The following ACADVL variants were observed in gnomAD, a reference collection of about 807,000 sequenced individuals.
ACADVL encodes acyl-CoA dehydrogenase very long chain.
ACADVL carries 73 observed loss-of-function variants against 80.4 expected under a neutral mutation model. The observed-to-expected ratio is 0.91, with a 90% CI of 0.75 to 1.10. ACADVL has a LOEUF of 1.10. Among genes scored for constraint, ACADVL ranks in the 50% least tolerant of loss-of-function variants. The pLI is 0.00. For synonymous variants in ACADVL, 392 were observed against 326.5 expected (o/e 1.20, Z -2.16); for missense variants, 878 against 858.9 (o/e 1.02, Z -0.28).
In ACADVL at chr17:7,224,972, CGA is replaced by C. The variant is rs1219796569; in HGVS notation, c.1847_1848del (p.Glu616GlyfsTer8). ...TWCIEAAARI[R>X]EGMAALQSDP... ...CTCTCCCCAGGCTGCAGCTCGGATCCGAGAGGGCATGGCCGCCCTGCAGTCTG... is the reference window on the plus strand; with the variant it reads ...CTCTCCCCAGGCTGCAGCTCGGATCCGAGGGCATGGCCGCCCTGCAGTCTG... On this transcript the variant is annotated frameshift_variant, in exon 20 of 20. Transcript: ENST00000356839. LOFTEE classifies it high-confidence loss of function. 1 of 1,613,968 alleles carries C rather than the reference CGA, an allele frequency of 6.2e-7. No homozygotes were observed. The highest frequency in any genetic ancestry group is 8.5e-7 in the Non-Finnish European group (1 of 1,180,030).
In ACADVL at chr17:7,220,043, G is replaced by A. The variant is rs764285088; in HGVS notation, c.59G>A (p.Gly20Glu). The stretch of plus-strand genomic sequence containing the variant: ...CGGCAGCTGCTGAGGCTCGGGGGCG[G>A]AAGGTCTGTGTGTGACAAGAGGGAC... Reference protein sequence around the residue: ...LGRQLLRLGGGSSRLTALLGQ... With the variant: ...LGRQLLRLGGESSRLTALLGQ... Residue 20 changes from glycine (G) to glutamate (E), a missense_variant, in exon 1 of 20, where the codon GGA becomes GAA. Gly to Glu is a moderately conservative substitution (Grantham distance 98, BLOSUM62 -2). Transcript: ENST00000356839. The A allele has an allele frequency of 6.2e-7, 1 of 1,603,664 alleles. No individual in the cohort carries two copies. The highest frequency in any genetic ancestry group is 8.5e-7 in the Non-Finnish European group (1 of 1,178,836).
intron 6 of ACADVL, 31 bp from the exon 7 acceptor site, chr17:7,221,507 T>A (rs771298422): frequency 4.3e-6 from 7 of 1,611,344 alleles, no homozygotes; most frequent in African/African-American, 1.4e-5. Context: ...CTGCAGCCAG[T>A]GACAACCCCA....
chr17:7,224,575 C>G (rs147546456), intron 17 of ACADVL, 23 bp downstream of exon 17: 1 of 1,608,406 alleles, frequency 6.2e-7, no homozygotes, highest in Non-Finnish European at 8.5e-7. Flanking sequence ...TACACCATTC[C>G]GCCCCTCCCT....
rs531003023 is a variant in ACADVL at position 7,221,190 on chromosome 17, T to C, written c.477+132T>C. The stretch of plus-strand genomic sequence containing the variant: ...CTGCCCTGGGTGCCTGTGGGATGGA[T>C]GTTAACTGTCCAAACATAACACAAT... On this transcript the variant is annotated intron_variant, in intron 6 of 19. Transcript: ENST00000356839. 3.1e-4 allele frequency: 454 copies of C among 1,449,880 alleles called. 2 individuals carry two copies. In the Middle Eastern group the frequency reaches 0.01, roughly 32 times the overall value. The allele number at this position is 1,449,880 out of a possible 1,614,324, so 89.8% of individuals were successfully genotyped here. A position where few individuals can be genotyped will look rare whatever the true frequency, so the allele number is the denominator to read the frequency against.
Position 7,220,481 on chromosome 17 carries a change from A to C in ACADVL, c.156A>C (p.Ser52=), listed in dbSNP as rs2071146948. The change falls in exon 3 of 20, where the codon TCA becomes TCC. Residue 52 remains serine, a synonymous_variant. Coordinates refer to ENST00000356839, the MANE Select transcript of ACADVL (RefSeq NM_000018.4). Reference sequence around the variant, plus strand: ...TTTCCCAGCTGGCTCTGGACAAGTCAGATTCCCACCCCTCTGACGCTCTGA... The same window carrying C: ...TTTCCCAGCTGGCTCTGGACAAGTCCGATTCCCACCCCTCTGACGCTCTGA... ...GGAAQLALDK[S]DSHPSDALTR... is the part of the protein sequence containing the mutation. The C allele has an allele frequency of 6.2e-7, 1 of 1,614,106 alleles. No individual in the cohort carries two copies. The highest frequency in any genetic ancestry group is 1.3e-5 in the African/African-American group (1 of 74,948).
rs975212779 is a variant in ACADVL, at chr17:7,225,239, G to C, written c.*142G>C. 1 of 1,141,500 alleles carries C rather than the reference G, an allele frequency of 8.8e-7. No homozygotes were observed. The highest frequency in any genetic ancestry group is 2.2e-5 in the Admixed American group (1 of 45,846). The allele number at this position is 1,141,500 out of a possible 1,614,324, so 70.7% of individuals were successfully genotyped here. A position where few individuals can be genotyped will look rare whatever the true frequency, so the allele number is the denominator to read the frequency against. ...TGCTCTCAAGAGCACTTACTGCCTC[G>C]CAAATAATAAAAATTTCTAGCCAGT... On this transcript the variant is annotated 3_prime_UTR_variant, in exon 20 of 20. Coordinates refer to ENST00000356839, the MANE Select transcript of ACADVL (RefSeq NM_000018.4).
rs749425874 is a variant in ACADVL, at chr17:7,224,169, G to T, written c.1458G>T (p.Gly486=). 16 of 1,614,036 alleles carry T rather than the reference G, an allele frequency of 9.9e-6. No homozygotes were observed. Among genetic ancestry groups the T allele is most frequent in the African/African-American group, 1.3e-5 (1 of 74,914 alleles). Residue 486 remains glycine, a synonymous_variant, in exon 15 of 20, where the codon GGG becomes GGT. Coordinates refer to ENST00000356839, the MANE Select transcript of ACADVL (RefSeq NM_000018.4). ...GCMDKGKELS[G]LGSALKNPFG... ...AGGACAAAGGAAAGGAGCTCTCTGG[G>T]CTTGGCAGTGCTCTAAAGAATCCCT... is the stretch of plus-strand genomic sequence containing the variant.
intron 7 of ACADVL, 113 bp from the exon 8 acceptor site, chr17:7,221,839 C>T: frequency 6.3e-7 from 1 of 1,593,672 alleles, no homozygotes; most frequent in Admixed American, 1.7e-5. Context: ...TGCAAAAGAA[C>T]TGGATACTCC....
chr17:7,224,193 C>A lies in ACADVL; in HGVS notation c.1482C>A (p.Pro494=), dbSNP rs2071364748. Residue 494 remains proline (P), a synonymous_variant, in exon 15 of 20, where the codon CCC becomes CCA. Coordinates refer to ENST00000356839, the MANE Select transcript of ACADVL (RefSeq NM_000018.4). ...GGCTTGGCAGTGCTCTAAAGAATCC[C>A]TTTGGGAATGCTGGCCTCCTGCTAG... The part of the protein sequence containing the change: ...LSGLGSALKN[P]FGNAGLLLGE... 1 of 1,614,076 alleles carries A rather than the reference C, an allele frequency of 6.2e-7. No individual in the cohort carries two copies. The highest frequency in any genetic ancestry group is 1.1e-5 in the South Asian group (1 of 91,078).
chr17:7,224,172 T>C lies in ACADVL; in HGVS notation c.1461T>C (p.Leu487=). 1 of 1,614,096 alleles carries C rather than the reference T, an allele frequency of 6.2e-7. No homozygotes were observed. Among genetic ancestry groups the C allele is most frequent in the Non-Finnish European group, 8.5e-7 (1 of 1,180,006 alleles). ...CMDKGKELSG[L]GSALKNPFGN... is the part of the protein sequence containing the mutation. ...ACAAAGGAAAGGAGCTCTCTGGGCT[T>C]GGCAGTGCTCTAAAGAATCCCTTTG... The change falls in exon 15 of 20, where the codon CTT becomes CTC. Residue 487 remains leucine (L), a synonymous_variant. Transcript: ENST00000356839.
In ACADVL at chr17:7,223,733, G is replaced by A; in HGVS notation, c.1269+3G>A. Reference sequence around the variant, plus strand: ...CCATCAGCAAAATCTTTGGCTCGGTGAGGTCCCAGGCATGCTGGGAGGGAG... The same window carrying A: ...CCATCAGCAAAATCTTTGGCTCGGTAAGGTCCCAGGCATGCTGGGAGGGAG... On this transcript the variant is annotated splice_donor_region_variant and intron_variant, in intron 12 of 19. Transcript: ENST00000356839. 6.2e-7 allele frequency: 1 copy of A among 1,614,160 alleles called. No homozygotes were observed. Among genetic ancestry groups the A allele is most frequent in the Admixed American group, 1.7e-5 (1 of 60,030 alleles).
chr17:7,218,640 C>G (rs759282824), upstream of ACADVL: 10 of 1,559,620 alleles, frequency 6.4e-6, no homozygotes, highest in Non-Finnish European at 8.7e-6. Context: ...GACCTGGGAG[C>G]TAGTGAGATG....
At chr17:7,221,170 C>G (rs770751383) in intron 6 of ACADVL, 112 bp downstream of exon 6, 3 of 1,545,680 alleles carry the variant, frequency 1.9e-6, no homozygotes, top group Non-Finnish European at 2.6e-6. Context: ...AGCACCTGCC[C>G]TGGGTGCCTG....
intron 9 of ACADVL, 134 bp from the exon 10 acceptor site, chr17:7,222,533 G>T (rs561826359): frequency 2.7e-4 from 316 of 1,172,636 alleles, no homozygotes; most frequent in Non-Finnish European, 3.4e-4. Flanking sequence ...GGCCTGAGGG[G>T]AAGTGGTGGC....
upstream of ACADVL, chr17:7,217,258 G>T: frequency 8.0e-7 from 1 of 1,253,626 alleles, no homozygotes; most frequent in Non-Finnish European, 1.0e-6. Flanking sequence ...ACTTTTGCAG[G>T]GGGGGCCAGG....
At chr17:7,223,500 G>A in intron 11 of ACADVL, 144 bp from the exon 12 acceptor site, 1 of 945,346 alleles carries the variant, frequency 1.1e-6, no homozygotes. Flanking sequence ...ATACCTGGAA[G>A]CACCTGATGA....
At chr17:7,221,155 T>G in intron 6 of ACADVL, 97 bp downstream of exon 6, 1 of 1,591,518 alleles carries the variant, frequency 6.3e-7, no homozygotes, top group South Asian at 1.1e-5. Flanking sequence ...CTAAGGTCTC[T>G]TCTAAGCACC....
In ACADVL at chr17:7,221,593, TG is replaced by T. The variant is rs2071229128; in HGVS notation, c.538del (p.Ala180ProfsTer37). 1 of 1,613,966 alleles carries T rather than the reference TG, an allele frequency of 6.2e-7. No homozygotes were observed. Among genetic ancestry groups the T allele is most frequent in the East Asian group, 2.2e-5 (1 of 44,890 alleles). On this transcript the variant is annotated frameshift_variant, in exon 7 of 20. Coordinates refer to ENST00000356839, the MANE Select transcript of ACADVL (RefSeq NM_000018.4). LOFTEE classifies it high-confidence loss of function. ...CATGACCTTGGCGTGGGCATTACCC[TG>T]GGGGCCCATCAGAGCATCGGTTTCA... is the stretch of plus-strand genomic sequence containing the variant. ...GMHDLGVGIT[L>X]GAHQSIGFKG...
At chr17:7,222,450 T>A in intron 9 of ACADVL, 148 bp downstream of exon 9, 1 of 1,321,334 alleles carries the variant, frequency 7.6e-7, no homozygotes, top group South Asian at 1.4e-5. Context: ...TGTATGCAAC[T>A]GAGCTAAAGT....
Sources: allele counts gnomAD v4.1 joint callset, GRCh38; gene constraint gnomAD v4.1.1; transcripts MANE v1.5; gene names NCBI Gene and HGNC (gene_info 2026-07-23, HGNC 2026-07-21).